LARGE1: variants seen among roughly 807,000 people sequenced by gnomAD.
LARGE1 encodes LARGE xylosyl- and glucuronyltransferase 1, also known as xylosyl- and glucuronyltransferase LARGE1.
A neutral mutation model predicts 87.6 loss-of-function variants in LARGE1; 43 were observed. The ratio of observed to expected loss-of-function variants is 0.49; its 90% CI spans 0.38 to 0.63. The LOEUF (loss-of-function observed/expected upper bound fraction) is 0.63. Ranked by LOEUF, LARGE1 falls within the 30% of genes least tolerant of loss-of-function variation. The pLI is 0.00. For synonymous variants in LARGE1, 434 were observed against 394.6 expected, an observed-to-expected ratio of 1.10 and a Z score of -1.18; for missense variants, 802 against 1,000.2, an observed-to-expected ratio of 0.80 and a Z score of 2.67.
At chr22:33,870,361 C>T (rs1278695299) in intron 1 of LARGE1, among the ~76,000 whole-genome samples, 2 of 152,170 alleles carry the variant, frequency 1.3e-5, no homozygotes, top group African/African-American at 4.8e-5. Context: ...TGGCAGCCTT[C>T]GGAAACTGAT....
chr22:33,390,939 C>G (rs967059310), intron 7 of LARGE1, among the ~76,000 whole-genome samples: 1 of 152,134 alleles, frequency 6.6e-6, no homozygotes, highest in African/African-American at 2.4e-5. Flanking sequence ...TCAAGTGATC[C>G]GCCCACCTTG....
chr22:33,693,978 G>C lies in LARGE1; in HGVS notation c.107-43310C>G, dbSNP rs139746208. 2.6e-3 allele frequency among the ~76,000 whole-genome samples: 398 copies of C among 152,226 alleles called. 1 individual carries two copies. The highest frequency in any genetic ancestry group is 9.0e-3 in the African/African-American group (376 of 41,550). On this transcript the variant is annotated intron_variant, in intron 2 of 14. Coordinates refer to ENST00000397394, the MANE Select transcript of LARGE1 (RefSeq NM_133642.5). ...GTAGCCAGTGACCATTTTACTCAGGGACCCACCCTGGAGGAAGGAGCAGTA... is the reference window on the plus strand; with the variant it reads ...GTAGCCAGTGACCATTTTACTCAGGCACCCACCCTGGAGGAAGGAGCAGTA...
At chr22:33,785,784 A>G (rs2085622473) in intron 1 of LARGE1, among the ~76,000 whole-genome samples, 1 of 152,202 alleles carries the variant, frequency 6.6e-6, no homozygotes, top group African/African-American at 2.4e-5. Flanking sequence ...TGGTGATTTC[A>G]TAATTTGGCC....
the LARGE1 span, chr22:33,116,391 G>C: frequency 6.6e-6 from 1 of 152,218 alleles, no homozygotes; most frequent in Non-Finnish European, 1.5e-5. Flanking sequence ...GTTTTGCTCA[G>C]TCGCCCAGGC....
chr22:33,306,065 C>G (rs952067302), intron 11 of LARGE1, among the ~76,000 whole-genome samples: 1 of 152,046 alleles, frequency 6.6e-6, no homozygotes, highest in Non-Finnish European at 1.5e-5. Flanking sequence ...AGCATGGTCT[C>G]GATCTCCTGA....
At chr22:33,457,934 G>A (rs1458993799) in intron 6 of LARGE1, among the ~76,000 whole-genome samples, 1 of 152,080 alleles carries the variant, frequency 6.6e-6, no homozygotes. Context: ...CTGGCCAAGT[G>A]TATAATCTTT....
intron 1 of LARGE1, among the ~76,000 whole-genome samples, chr22:33,886,065 C>T (rs1255238927): frequency 6.6e-6 from 1 of 151,738 alleles, no homozygotes; most frequent in African/African-American, 2.4e-5. Context: ...AAGATGTGAG[C>T]CCCAGGAAGG....
intron 6 of LARGE1, among the ~76,000 whole-genome samples, chr22:33,512,069 T>C (rs1394110665): frequency 6.6e-6 from 1 of 152,324 alleles, no homozygotes; most frequent in South Asian, 2.1e-4. Flanking sequence ...TAGAACTTCA[T>C]TATGAGCTAA....
intron 6 of LARGE1, among the ~76,000 whole-genome samples, chr22:33,521,448 C>T (rs1028988611): frequency 6.6e-6 from 1 of 152,140 alleles, no homozygotes; most frequent in Non-Finnish European, 1.5e-5. Context: ...CAGGCTAGCC[C>T]GGGTTTGTTC....
chr22:33,757,592 T>C (rs981868950), intron 2 of LARGE1, among the ~76,000 whole-genome samples: 1 of 152,114 alleles, frequency 6.6e-6, no homozygotes, highest in South Asian at 2.1e-4. Context: ...CAAAACCCTA[T>C]GCTGAGAGCA....
rs574227362 is a variant in LARGE1, at chr22:33,749,760, C to T, written c.106+11611G>A. Among the ~76,000 whole-genome samples, 4 of 152,282 alleles carry T rather than the reference C, an allele frequency of 2.6e-5. No individual in the cohort carries two copies. In the East Asian group the frequency reaches 5.8e-4, roughly 22 times the overall value. On this transcript the variant is annotated intron_variant, in intron 2 of 14. Transcript: ENST00000397394. Reference sequence around the variant, plus strand: ...AAGAATCCTGCTAGCCACAGAAGTTCGCATGTCTTCTCTGTTGTCCAAGAT... The same window carrying T: ...AAGAATCCTGCTAGCCACAGAAGTTTGCATGTCTTCTCTGTTGTCCAAGAT...
chr22:33,459,009 AT>A (rs150586477), intron 6 of LARGE1, among the ~76,000 whole-genome samples: 17 of 150,186 alleles, frequency 1.1e-4, no homozygotes, highest in South Asian at 4.2e-4. Flanking sequence ...GAAGACAAGT[AT>A]TTTTTTTTTA....
chr22:33,643,559 C>T (rs2080510526), intron 3 of LARGE1, among the ~76,000 whole-genome samples: 1 of 151,966 alleles, frequency 6.6e-6, no homozygotes, highest in Non-Finnish European at 1.5e-5. Context: ...GAAAAACATT[C>T]CATGCTCATG....
At chr22:33,251,870 A>C (rs1016497342) in intron 11 of LARGE1, among the ~76,000 whole-genome samples, 64 of 152,164 alleles carry the variant, frequency 4.2e-4, no homozygotes, top group African/African-American at 1.5e-3. Context: ...ACCTCTGTCT[A>C]TGGTGATCTA....
intron 6 of LARGE1, among the ~76,000 whole-genome samples, chr22:33,551,180 C>T (rs1337233243): frequency 6.6e-6 from 1 of 152,184 alleles, no homozygotes; most frequent in Non-Finnish European, 1.5e-5. Flanking sequence ...TGTATATGTA[C>T]CCCATACATT....
the LARGE1 span, among the ~76,000 whole-genome samples, chr22:33,119,805 T>C: frequency 6.6e-6 from 1 of 152,254 alleles, no homozygotes; most frequent in East Asian, 1.9e-4. Flanking sequence ...ACGTGTGGAG[T>C]GCCTGGTATT....
In LARGE1 at chr22:33,700,724, G is replaced by A. The variant is rs541133785; in HGVS notation, c.107-50056C>T. Among the ~76,000 whole-genome samples, 23 of 152,288 alleles carry A rather than the reference G, an allele frequency of 1.5e-4. 2 individuals carry two copies. Among genetic ancestry groups the A allele is most frequent in the African/African-American group, 3.1e-4 (13 of 41,568 alleles). ...TGAAGAGTGAGTAGGAAACCCATAA[G>A]TAGGCAGAGGTCTTGAAGGACATTC... is the stretch of plus-strand genomic sequence containing the variant. On this transcript the variant is annotated intron_variant, in intron 2 of 14. Transcript: ENST00000397394.
intron 1 of LARGE1, among the ~76,000 whole-genome samples, chr22:33,886,143 G>A (rs1049004703): frequency 6.6e-6 from 1 of 152,172 alleles, no homozygotes; most frequent in Non-Finnish European, 1.5e-5. Context: ...TGAGGTGCAG[G>A]CTAGATCCAT....
rs533359116 is a variant in LARGE1 at position 33,550,886 on chromosome 22, T to C, written c.787+13962A>G. On this transcript the variant is annotated intron_variant, in intron 6 of 14. Transcript: ENST00000397394. ...TTAGCCACAAAAAAGAATAAAATCA[T>C]GTCTTCTGAAACAACATGGGTGGAA... 3.3e-5 allele frequency among the ~76,000 whole-genome samples: 5 copies of C among 152,316 alleles called. No individual in the cohort carries two copies. The South Asian group carries it at 1.0e-3, about 32-fold the overall frequency.
Sources: gnomAD v4.1 joint callset for allele counts (sites outside exome capture counted in the v4.1 genomes callset) on GRCh38, gnomAD v4.1.1 for gene constraint, MANE v1.5 for transcripts, NCBI Gene and HGNC (gene_info 2026-07-23, HGNC 2026-07-21) for gene names.